Variants in RANBP17 observed in about 807,000 individuals in gnomAD.
The protein encoded by RANBP17 is ran-binding protein 17.
In RANBP17, 158 loss-of-function variants were observed where a neutral mutation model predicts 141.2. The ratio of observed to expected loss-of-function variants is 1.12; its 90% CI spans 0.98 to 1.28. RANBP17 has a LOEUF of 1.28. RANBP17 is among the 50% of genes most tolerant of loss of function. The probability of loss-of-function intolerance (pLI) is 0.00; values close to 1 mark genes in which losing one functional copy is unlikely to be tolerated. For missense variants in RANBP17, 1,438 were observed against 1,290.7 expected, an observed-to-expected ratio of 1.11 and a Z score of -1.75; for synonymous variants, 430 against 450.0, an observed-to-expected ratio of 0.96 and a Z score of 0.56.
At chr5:170,891,862 A>T (rs9637852) in intron 3 of RANBP17, among the ~76,000 whole-genome samples, 1 of 151,934 alleles carries the variant, frequency 6.6e-6, no homozygotes, top group Non-Finnish European at 1.5e-5. Context: ...GGTTTTCTGC[A>T]TTCACCTAGC....
chr5:171,207,755 A>G (rs1440079145), intron 20 of RANBP17: 1 of 152,172 alleles, frequency 6.6e-6, no homozygotes, highest in African/African-American at 2.4e-5. Flanking sequence ...AATATGATAA[A>G]TGGTGTTCAT....
chr5:171,211,001 CAAAA>C (rs949233363), intron 20 of RANBP17, among the ~76,000 whole-genome samples: 3 of 75,384 alleles, frequency 4.0e-5, no homozygotes, highest in Non-Finnish European at 8.2e-5. Context: ...AAGACCCCGT[CAAAA>C]AAAAAAAAAA....
intron 18 of RANBP17, among the ~76,000 whole-genome samples, chr5:171,186,301 T>G (rs1246281002): frequency 6.6e-6 from 1 of 152,124 alleles, no homozygotes; most frequent in African/African-American, 2.4e-5. Context: ...CTTAGCTAGA[T>G]CTTCAGTATA....
chr5:171,196,938 AC>A (rs1221134667), intron 18 of RANBP17, among the ~76,000 whole-genome samples: 1 of 152,134 alleles, frequency 6.6e-6, no homozygotes, highest in East Asian at 1.9e-4. Flanking sequence ...ATAAGCATTC[AC>A]CACTGCTCCC....
chr5:170,889,437 G>C (rs1769421664), intron 3 of RANBP17, among the ~76,000 whole-genome samples: 1 of 151,972 alleles, frequency 6.6e-6, no homozygotes, highest in Non-Finnish European at 1.5e-5. Context: ...TATATGATTT[G>C]TCCAATATTT....
intron 20 of RANBP17, among the ~76,000 whole-genome samples, chr5:171,209,741 C>T (rs1309137809): frequency 6.6e-6 from 1 of 152,178 alleles, no homozygotes; most frequent in African/African-American, 2.4e-5. Flanking sequence ...GATGGATAGG[C>T]ATTTGCCAGA....
chr5:171,053,635 T>A (rs997595096), intron 14 of RANBP17, among the ~76,000 whole-genome samples: 1 of 152,046 alleles, frequency 6.6e-6, no homozygotes, highest in Admixed American at 6.6e-5. Context: ...TTTTGTAGAT[T>A]TTCTATATAT....
intron 14 of RANBP17, among the ~76,000 whole-genome samples, chr5:171,044,738 G>T (rs920829875): frequency 2.6e-5 from 4 of 152,022 alleles, no homozygotes; most frequent in Admixed American, 2.6e-4. Context: ...AAATATAATG[G>T]TTTACCCAGT....
intron 14 of RANBP17, among the ~76,000 whole-genome samples, chr5:171,135,817 A>G (rs898385357): frequency 1.3e-5 from 2 of 152,198 alleles, no homozygotes; most frequent in African/African-American, 2.4e-5. Flanking sequence ...TAGCTGAGGC[A>G]ATTGCTTCTG....
At chr5:170,923,809 A>G (rs1581156665) in intron 11 of RANBP17, among the ~76,000 whole-genome samples, 1 of 152,136 alleles carries the variant, frequency 6.6e-6, no homozygotes, top group South Asian at 2.1e-4. Context: ...GCCAATATCT[A>G]CTAATACAGG....
chr5:171,058,423 G>A (rs1184589331), intron 14 of RANBP17, among the ~76,000 whole-genome samples: 1 of 148,246 alleles, frequency 6.7e-6, no homozygotes, highest in African/African-American at 2.5e-5. Flanking sequence ...TTGGTTTTTT[G>A]TCCTTGTGAT....
At chr5:171,104,740 A>C (rs1754658250) in intron 14 of RANBP17, among the ~76,000 whole-genome samples, 1 of 152,234 alleles carries the variant, frequency 6.6e-6, no homozygotes. Context: ...TAAAATGGGA[A>C]TAATAATACT....
intron 14 of RANBP17, among the ~76,000 whole-genome samples, chr5:171,053,333 T>C (rs977334029): frequency 1.6e-4 from 25 of 152,256 alleles, no homozygotes; most frequent in African/African-American, 5.3e-4. Context: ...ATCTAAGAGA[T>C]AGCTTTTCAA....
At chr5:171,122,799 A>G (rs1428518769) in intron 14 of RANBP17, among the ~76,000 whole-genome samples, 1 of 152,188 alleles carries the variant, frequency 6.6e-6, no homozygotes, top group Admixed American at 6.5e-5. Context: ...CAGCTGCAGC[A>G]TAGTGCCATT....
chr5:171,271,641 T>G (rs1412119040), intron 25 of RANBP17: 1 of 207,812 alleles, frequency 4.8e-6, no homozygotes, highest in Non-Finnish European at 9.8e-6. Flanking sequence ...CTCTGGTTGA[T>G]TTACAACTTT....
intron 1 of RANBP17, among the ~76,000 whole-genome samples, chr5:170,868,125 A>C (rs982456376): frequency 6.6e-6 from 1 of 152,198 alleles, no homozygotes; most frequent in Non-Finnish European, 1.5e-5. Flanking sequence ...TTAGGGGCCA[A>C]TTCTGTGTCA....
chr5:171,170,262 C>A, intron 15 of RANBP17, 59 bp downstream of exon 15: 1 of 829,456 alleles, frequency 1.2e-6, no homozygotes, highest in Non-Finnish European at 1.9e-6. Flanking sequence ...TGTAATAGAT[C>A]TTTTTATTGT....
rs190260619 is a variant in RANBP17, at chr5:170,960,539, A to G, written c.1574+6837A>G. On this transcript the variant is annotated intron_variant, in intron 13 of 27. Transcript: ENST00000523189. ...TTTTCCCTTTTTCTCTCTAGCATTC[A>G]TATAGTCATCAAGTCCTGTCAGTTC... 2.2e-3 allele frequency among the ~76,000 whole-genome samples: 335 copies of G among 152,294 alleles called. 1 individual carries two copies. The highest frequency in any genetic ancestry group is 7.5e-3 in the African/African-American group (311 of 41,566).
chr5:171,283,316 C>T (rs1767962430), intron 25 of RANBP17, among the ~76,000 whole-genome samples: 1 of 152,202 alleles, frequency 6.6e-6, no homozygotes, highest in Non-Finnish European at 1.5e-5. Context: ...TGTATATTCC[C>T]AGGGTTTGAC....
Sources: gnomAD v4.1 joint callset for allele counts (sites outside exome capture counted in the v4.1 genomes callset) on GRCh38, gnomAD v4.1.1 for gene constraint, MANE v1.5 for transcripts, NCBI Gene and HGNC (gene_info 2026-07-23, HGNC 2026-07-21) for gene names.